Variants in CDK6 observed in about 807,000 individuals in gnomAD.
CDK6 encodes the protein cyclin-dependent kinase 6.
In CDK6, 6 loss-of-function variants were observed where a neutral mutation model predicts 37.1. The ratio of observed to expected loss-of-function variants is 0.16; its 90% confidence interval spans 0.09 to 0.32. CDK6 has a LOEUF of 0.32. CDK6 is among the 10% of genes least tolerant of loss of function. The pLI is 1.00. For missense variants in CDK6, 224 were observed against 418.9 expected (o/e 0.53, Z 4.06); for synonymous variants, 160 against 161.3 (o/e 0.99, Z 0.06).
chr7:92,707,039 T>C (rs1797984841), intron 4 of CDK6, among the ~76,000 whole-genome samples: 1 of 152,216 alleles, frequency 6.6e-6, no homozygotes, highest in Admixed American at 6.5e-5. Context: ...CCTAAGATGT[T>C]AGTAATCTAA....
rs1218326218 is a variant in CDK6 at position 92,613,058 on chromosome 7, A to G, written c.*2082T>C. The G allele has an allele frequency of 8.6e-6, 2 of 233,040 alleles. No individual in the cohort carries two copies. Among genetic ancestry groups the G allele is most frequent in the African/African-American group, 2.2e-5 (1 of 45,354 alleles). 14.4% of individuals were successfully genotyped at this position (233,040 alleles called of 1,614,324 possible). On this transcript the variant is annotated 3_prime_UTR_variant, in exon 8 of 8. Coordinates refer to ENST00000424848, the MANE Select transcript of CDK6 (RefSeq NM_001145306.2). ...ACACCTAATCAATGTTGTCACAACG[A>G]AAGTAGAAAACATTTGTATGGCCCA...
chr7:92,804,033 A>G (rs555846401), intron 2 of CDK6, among the ~76,000 whole-genome samples: 85 of 152,346 alleles, frequency 5.6e-4, no homozygotes, highest in Middle Eastern at 6.8e-3. Context: ...ATCACCTCAT[A>G]TAGATTAGTG....
At chr7:92,820,091 CT>C (rs1248793140) in intron 2 of CDK6, among the ~76,000 whole-genome samples, 1 of 151,914 alleles carries the variant, frequency 6.6e-6, no homozygotes, top group African/African-American at 2.4e-5. Flanking sequence ...CATAGTATTT[CT>C]GGAGAACACA....
intron 6 of CDK6, 77 bp from the exon 7 acceptor site, chr7:92,618,284 G>A (rs780872272): frequency 4.6e-5 from 69 of 1,496,954 alleles, no homozygotes; most frequent in Non-Finnish European, 6.2e-5. Context: ...CCAGAGAAAG[G>A]CAAAATCTAA....
At chr7:92,752,597 G>T (rs767690621) in intron 3 of CDK6, among the ~76,000 whole-genome samples, 4 of 152,140 alleles carry the variant, frequency 2.6e-5, no homozygotes, top group Non-Finnish European at 4.4e-5. Context: ...ATGTTTAAAC[G>T]TAAGTGTTTT....
At chr7:92,701,801 G>A (rs1210638945) in intron 4 of CDK6, 1 of 152,340 alleles carries the variant, frequency 6.6e-6, no homozygotes, top group Non-Finnish European at 1.5e-5. Context: ...TACATGTGCT[G>A]CCGAAGCGAG....
In CDK6 at chr7:92,612,450, C is replaced by A. The variant is rs1795582426; in HGVS notation, c.*2690G>T. ...AACGGCAAGACTGCTTGTGTTGGAT[C>A]TGGATTTCAGAAATGGCGAATCTGG... is the stretch of plus-strand genomic sequence containing the variant. On this transcript the variant is annotated 3_prime_UTR_variant, in exon 8 of 8. Transcript: ENST00000424848. 4.3e-6 allele frequency: 1 copy of A among 233,156 alleles called. No homozygotes were observed. The highest frequency in any genetic ancestry group is 6.0e-5 in the East Asian group (1 of 16,550). 14.4% of individuals were successfully genotyped at this position (233,156 alleles called of 1,614,324 possible). A position where few individuals can be genotyped will look rare whatever the true frequency, so the allele number is the denominator to read the frequency against.
At chr7:92,698,601 A>G (rs1175043183) in intron 4 of CDK6, among the ~76,000 whole-genome samples, 2 of 152,212 alleles carry the variant, frequency 1.3e-5, no homozygotes, top group Non-Finnish European at 2.9e-5. Flanking sequence ...CTTGCAGGAA[A>G]TACCAAATAA....
chr7:92,734,964 C>T (rs544666407), intron 3 of CDK6, among the ~76,000 whole-genome samples: 1 of 152,310 alleles, frequency 6.6e-6, no homozygotes, highest in Non-Finnish European at 1.5e-5. Context: ...GATTTCAGCA[C>T]ATTGTTCCAC....
chr7:92,615,194 G>A lies in CDK6; in HGVS notation c.927C>T (p.Asn309=), dbSNP rs1795648532. Residue 309 remains asparagine (N), a synonymous_variant, in exon 8 of 8, where the codon AAC becomes AAT. Transcript: ENST00000424848. ...YFQDLERCKE[N]LDSHLPPSQN... is the part of the protein sequence containing the mutation. ...GGCTGGGCGGCAGGTGGGAATCCAGGTTTTCTTTGCACCTTTCCAGGTCCT... is the reference window on the plus strand; with the variant it reads ...GGCTGGGCGGCAGGTGGGAATCCAGATTTTCTTTGCACCTTTCCAGGTCCT... 6.2e-7 allele frequency: 1 copy of A among 1,614,002 alleles called. No homozygotes were observed. The highest frequency in any genetic ancestry group is 8.5e-7 in the Non-Finnish European group (1 of 1,180,046).
intron 2 of CDK6, among the ~76,000 whole-genome samples, chr7:92,777,968 C>G (rs1044976939): frequency 6.6e-6 from 1 of 151,906 alleles, no homozygotes; most frequent in Non-Finnish European, 1.5e-5. Flanking sequence ...GGTTGTATTC[C>G]TAGGACCTCT....
At position 92,680,438 on chromosome 7, in the gene CDK6, A is replaced by G. The variant is rs990259592; in HGVS notation, c.538-8903T>C. ...ACAAGAGTGAAATTCCATCTCAGAA[A>G]AAAAAAAAAAAAAAAAAAAAAAAAG... is the stretch of plus-strand genomic sequence containing the variant. On this transcript the variant is annotated intron_variant, in intron 4 of 7. Transcript: ENST00000424848. Among the ~76,000 whole-genome samples, 747 of 124,082 alleles carry G rather than the reference A, an allele frequency of 6.0e-3. 1 individual carries two copies. Among genetic ancestry groups the G allele is most frequent in the Non-Finnish European group, 8.1e-3 (478 of 59,250 alleles). The allele number at this position is 124,082 out of a possible 152,430, so 81.4% of individuals were successfully genotyped here.
intron 2 of CDK6, among the ~76,000 whole-genome samples, chr7:92,815,367 T>A (rs1801000996): frequency 6.6e-6 from 1 of 152,148 alleles, no homozygotes. Flanking sequence ...GAGGAAAAGA[T>A]CCTATTTAAT....
chr7:92,768,626 T>A (rs1033750415), intron 3 of CDK6, among the ~76,000 whole-genome samples: 5 of 152,206 alleles, frequency 3.3e-5, no homozygotes, highest in African/African-American at 1.2e-4. Flanking sequence ...CCTTCCAAGA[T>A]CTTTATCATT....
chr7:92,644,512 T>A (rs1410774118), intron 5 of CDK6, among the ~76,000 whole-genome samples: 8 of 152,184 alleles, frequency 5.3e-5, no homozygotes, highest in Admixed American at 5.2e-4. Context: ...ATCACAATAT[T>A]TCCTTTAACT....
chr7:92,831,779 CA>C (rs1801488746), intron 2 of CDK6, among the ~76,000 whole-genome samples: 2 of 152,252 alleles, frequency 1.3e-5, no homozygotes, highest in South Asian at 4.1e-4. Context: ...GCGTTGGGAA[CA>C]AAGCACCGCA....
intron 4 of CDK6, among the ~76,000 whole-genome samples, chr7:92,674,696 T>C (rs569626517): frequency 2.5e-4 from 38 of 152,352 alleles, no homozygotes; most frequent in African/African-American, 8.4e-4. Flanking sequence ...ACTTGAGTGG[T>C]TGACAGAAAT....
At chr7:92,624,500 T>C (rs1365625438) in intron 5 of CDK6, among the ~76,000 whole-genome samples, 1 of 152,160 alleles carries the variant, frequency 6.6e-6, no homozygotes, top group Non-Finnish European at 1.5e-5. Flanking sequence ...GACACCTTCA[T>C]CTTGGACTTC....
chr7:92,797,166 C>T (rs1419889283), intron 2 of CDK6, among the ~76,000 whole-genome samples: 1 of 152,132 alleles, frequency 6.6e-6, no homozygotes, highest in Non-Finnish European at 1.5e-5. Flanking sequence ...GTGAATGAAA[C>T]TTCCTCTCCT....
Sources: allele counts gnomAD v4.1 joint callset (sites outside exome capture counted in the v4.1 genomes callset), GRCh38; gene constraint gnomAD v4.1.1; transcripts MANE v1.5; gene names NCBI Gene and HGNC (gene_info 2026-07-23, HGNC 2026-07-21).